Variants in WDR70 observed in about 807,000 individuals in gnomAD.
The protein encoded by WDR70 is WD repeat domain 70.
WDR70 carries 53 observed loss-of-function variants against 88.6 expected under a neutral mutation model. That is an observed-to-expected ratio of 0.60 (90% CI 0.48 to 0.75). The LOEUF is 0.75. Ranked by LOEUF, WDR70 falls within the 30% of genes least tolerant of loss-of-function variation. The pLI is 0.00. For missense variants in WDR70, 610 were observed against 823.2 expected (o/e 0.74, Z 3.17); for synonymous variants, 280 against 270.0 (o/e 1.04, Z -0.36).
intron 7 of WDR70, among the ~76,000 whole-genome samples, chr5:37,450,279 G>T (rs1581290879): frequency 6.6e-6 from 1 of 152,178 alleles, no homozygotes; most frequent in Non-Finnish European, 1.5e-5. Context: ...GGGATTGCTG[G>T]GTCAGATGGT....
chr5:37,619,792 G>A (rs1744454792), intron 10 of WDR70, among the ~76,000 whole-genome samples: 2 of 150,988 alleles, frequency 1.3e-5, no homozygotes, highest in African/African-American at 4.9e-5. Flanking sequence ...CCAAGCCACA[G>A]TAATTTATCA....
rs185917253 is a variant in WDR70 at position 37,635,124 on chromosome 5, A to G, written c.1092+29886A>G. On this transcript the variant is annotated intron_variant, in intron 10 of 17. Coordinates refer to ENST00000265107, the MANE Select transcript of WDR70 (RefSeq NM_018034.4). ...TTGACCCTGTGCCTCTTTTACCTAT[A>G]TTACTACTTTGCTTAGGACCTCTGG... Among the ~76,000 whole-genome samples, 481 of 152,070 alleles carry G rather than the reference A, an allele frequency of 3.2e-3. 1 individual carries two copies. The highest frequency in any genetic ancestry group is 0.011 in the African/African-American group (448 of 41,474).
chr5:37,615,659 A>G (rs1438637274), intron 10 of WDR70, among the ~76,000 whole-genome samples: 2 of 152,250 alleles, frequency 1.3e-5, no homozygotes, highest in Admixed American at 1.3e-4. Flanking sequence ...ACATTCAGCT[A>G]CATGTGAAAC....
intron 10 of WDR70, among the ~76,000 whole-genome samples, chr5:37,673,583 A>ACCTCCCC (rs1554010663): frequency 2.6e-5 from 2 of 76,228 alleles, no homozygotes; most frequent in African/African-American, 5.4e-5. Flanking sequence ...GACTTTTCTT[A>ACCTCCCC]CCCCCCCCCC....
At chr5:37,666,538 G>A (rs1439970172) in intron 10 of WDR70, among the ~76,000 whole-genome samples, 1 of 152,124 alleles carries the variant, frequency 6.6e-6, no homozygotes, top group Non-Finnish European at 1.5e-5. Flanking sequence ...CAGAAACTGT[G>A]GTAGTGCTAA....
intron 5 of WDR70, among the ~76,000 whole-genome samples, chr5:37,431,389 C>CT (rs888582487): frequency 2.7e-5 from 4 of 149,496 alleles, no homozygotes; most frequent in African/African-American, 9.8e-5. Context: ...CTTTTTTTTT[C>CT]TTTTTTCCAT....
intron 10 of WDR70, among the ~76,000 whole-genome samples, chr5:37,655,146 A>G (rs1174131320): frequency 6.6e-6 from 1 of 152,108 alleles, no homozygotes; most frequent in Non-Finnish European, 1.5e-5. Flanking sequence ...GCTGGTGGTG[A>G]CAGAATCTCT....
At chr5:37,406,772 G>GT (rs1749366596) in intron 5 of WDR70, among the ~76,000 whole-genome samples, 1 of 152,100 alleles carries the variant, frequency 6.6e-6, no homozygotes, top group Admixed American at 6.6e-5. Flanking sequence ...GGAAACTTTC[G>GT]TATCATTTGA....
intron 7 of WDR70, among the ~76,000 whole-genome samples, chr5:37,470,893 T>C (rs1739306991): frequency 3.9e-5 from 2 of 51,070 alleles, no homozygotes; most frequent in South Asian, 1.2e-3. Context: ...AAGTACTTCT[T>C]TTTTTTTTTT....
intron 7 of WDR70, among the ~76,000 whole-genome samples, chr5:37,477,494 G>T (rs931012908): frequency 6.6e-6 from 1 of 152,172 alleles, no homozygotes; most frequent in African/African-American, 2.4e-5. Flanking sequence ...TAGTTGGCAG[G>T]TTGGATCTTC....
At chr5:37,656,475 G>T (rs1745558021) in intron 10 of WDR70, among the ~76,000 whole-genome samples, 1 of 152,240 alleles carries the variant, frequency 6.6e-6, no homozygotes, top group Admixed American at 6.5e-5. Flanking sequence ...CAAGCGCTGT[G>T]CTGGGAGATC....
At chr5:37,593,113 C>T (rs904140728) in intron 9 of WDR70, among the ~76,000 whole-genome samples, 16 of 152,182 alleles carry the variant, frequency 1.1e-4, no homozygotes, top group African/African-American at 3.4e-4. Context: ...GTGATCACAC[C>T]ACTGTACTCC....
chr5:37,671,122 T>A (rs560879608), intron 10 of WDR70, among the ~76,000 whole-genome samples: 7 of 152,282 alleles, frequency 4.6e-5, no homozygotes, highest in Admixed American at 1.3e-4. Context: ...ATTGGAATTG[T>A]TTGGTTACCA....
intron 10 of WDR70, among the ~76,000 whole-genome samples, chr5:37,651,316 T>C (rs957698330): frequency 6.6e-6 from 1 of 152,220 alleles, no homozygotes; most frequent in African/African-American, 2.4e-5. Context: ...GGCTGCATAG[T>C]ATTCTGTGAT....
intron 5 of WDR70, among the ~76,000 whole-genome samples, chr5:37,414,620 T>TA (rs1749637747): frequency 6.7e-6 from 1 of 149,346 alleles, no homozygotes; most frequent in Non-Finnish European, 1.5e-5. Flanking sequence ...TTTTTTTTTT[T>TA]ACTGCTGTAT....
At chr5:37,684,291 T>C (rs945278505) in intron 10 of WDR70, among the ~76,000 whole-genome samples, 2 of 152,206 alleles carry the variant, frequency 1.3e-5, no homozygotes, top group Non-Finnish European at 2.9e-5. Context: ...GAATTCTATT[T>C]CTGTCATTTC....
chr5:37,738,001 CATCTTGTTGCCTA>C (rs1302750622), intron 17 of WDR70, among the ~76,000 whole-genome samples: 4 of 148,088 alleles, frequency 2.7e-5, no homozygotes, highest in African/African-American at 9.9e-5. Flanking sequence ...TATCTAGAAA[CATCTTGTTGCCTA>C]GTGTGCCTAA....
chr5:37,568,060 A>G (rs988477610), intron 9 of WDR70, among the ~76,000 whole-genome samples: 2 of 152,208 alleles, frequency 1.3e-5, no homozygotes, highest in Non-Finnish European at 1.5e-5. Flanking sequence ...ATCAGTTTGC[A>G]TAAATAAAAG....
At chr5:37,527,420 G>T (rs1422104611) in intron 9 of WDR70, among the ~76,000 whole-genome samples, 6 of 152,142 alleles carry the variant, frequency 3.9e-5, no homozygotes, top group Non-Finnish European at 7.4e-5. Context: ...TGTGAAAACT[G>T]GCTAGCCATA....
Sources: gnomAD v4.1 joint callset for allele counts (sites outside exome capture counted in the v4.1 genomes callset) on GRCh38, gnomAD v4.1.1 for gene constraint, MANE v1.5 for transcripts, NCBI Gene and HGNC (gene_info 2026-07-23, HGNC 2026-07-21) for gene names.